Variants in RAB11FIP3 observed in about 807,000 individuals in gnomAD.
RAB11FIP3 encodes rab11 family-interacting protein 3.
A neutral mutation model predicts 77.8 loss-of-function variants in RAB11FIP3; 17 were observed. The ratio of observed to expected loss-of-function variants is 0.22; its 90% confidence interval spans 0.15 to 0.33. The LOEUF is 0.33. RAB11FIP3 is among the 10% of genes least tolerant of loss of function. RAB11FIP3 has a pLI of 1.00. For synonymous variants in RAB11FIP3, 437 were observed against 448.2 expected, an observed-to-expected ratio of 0.98 and a Z score of 0.31; for missense variants, 1,005 against 1,011.2, an observed-to-expected ratio of 0.99 and a Z score of 0.08.
chr16:428,241 T>A (rs935760395), intron 1 of RAB11FIP3, among the ~76,000 whole-genome samples: 1 of 152,100 alleles, frequency 6.6e-6, no homozygotes, highest in Non-Finnish European at 1.5e-5. Context: ...CCGGTTGGGA[T>A]ATTGTCAGGG....
At chr16:501,292 T>G (rs1402751572) in intron 6 of RAB11FIP3, among the ~76,000 whole-genome samples, 2 of 152,238 alleles carry the variant, frequency 1.3e-5, no homozygotes, top group African/African-American at 4.8e-5. Context: ...GACCCCCATT[T>G]CATAGGCAAG....
intron 1 of RAB11FIP3, among the ~76,000 whole-genome samples, chr16:438,972 C>A (rs1044419204): frequency 6.6e-6 from 1 of 152,220 alleles, no homozygotes; most frequent in Non-Finnish European, 1.5e-5. Flanking sequence ...TAGGCGTGAA[C>A]CGCCGCGCCC....
chr16:489,434 G>A (rs896281481), intron 5 of RAB11FIP3, among the ~76,000 whole-genome samples: 5 of 152,184 alleles, frequency 3.3e-5, no homozygotes, highest in Admixed American at 3.3e-4. Context: ...AGCACAACAC[G>A]CAGTGGGCGA....
chr16:445,922 G>A (rs1397887103), intron 1 of RAB11FIP3, among the ~76,000 whole-genome samples: 1 of 152,180 alleles, frequency 6.6e-6, no homozygotes, highest in African/African-American at 2.4e-5. Context: ...GTGTTCTCTG[G>A]ATGCAGTCCT....
chr16:506,404 G>A lies in RAB11FIP3; in HGVS notation c.1499+777G>A, dbSNP rs1358209756. Among the ~76,000 whole-genome samples, 1 of 152,168 alleles carries A rather than the reference G, an allele frequency of 6.6e-6. No homozygotes were observed. The highest frequency in any genetic ancestry group is 2.4e-5 in the African/African-American group (1 of 41,428). On this transcript the variant is annotated intron_variant, in intron 8 of 13. Transcript: ENST00000262305. This position sits in a 1 kb window ranked among gnomAD's most constrained non-coding sequence, Gnocchi z 4.5. Reference sequence around the variant, plus strand: ...CCAGGAGGCCTATGAGGCACCTGTGGGATCTGCAGAAGAGGTTCTTCCTGT... The same window carrying A: ...CCAGGAGGCCTATGAGGCACCTGTGAGATCTGCAGAAGAGGTTCTTCCTGT...
intron 1 of RAB11FIP3, among the ~76,000 whole-genome samples, chr16:436,865 C>T (rs780056379): frequency 2.6e-5 from 4 of 152,130 alleles, no homozygotes; most frequent in Non-Finnish European, 5.9e-5. Context: ...TGGGCGTAAC[C>T]ATCTTGCTAG....
Position 521,184 on chromosome 16 carries a change from C to T in RAB11FIP3, c.*345C>T. 5.7e-6 allele frequency: 2 copies of T among 350,436 alleles called. No homozygotes were observed. The highest frequency in any genetic ancestry group is 6.9e-5 in the South Asian group (2 of 28,870). 21.7% of individuals were successfully genotyped at this position (350,436 alleles called of 1,614,324 possible). Reference sequence around the variant, plus strand: ...GTACACTTCAGTTCAGCAGGATGGGCTGGAGAGCCTCTCTGTGCAGCGGTG... The same window carrying T: ...GTACACTTCAGTTCAGCAGGATGGGTTGGAGAGCCTCTCTGTGCAGCGGTG... On this transcript the variant is annotated 3_prime_UTR_variant, in exon 14 of 14. Transcript: ENST00000262305.
In RAB11FIP3 at chr16:521,142, A is replaced by C; in HGVS notation, c.*303A>C. ...GCCCAGAGCTTCCCAGCCCTGAGTC[A>C]AGCTGGCCATGAACGCGTACACTTC... On this transcript the variant is annotated 3_prime_UTR_variant, in exon 14 of 14. Transcript: ENST00000262305. 2.1e-6 allele frequency: 1 copy of C among 478,366 alleles called. No individual in the cohort carries two copies. Among genetic ancestry groups the C allele is most frequent in the Non-Finnish European group, 3.8e-6 (1 of 261,396 alleles). 29.6% of individuals were successfully genotyped at this position (478,366 alleles called of 1,614,324 possible).
At chr16:516,650 G>A (rs180841757) in intron 9 of RAB11FIP3, among the ~76,000 whole-genome samples, 1 of 152,026 alleles carries the variant, frequency 6.6e-6, no homozygotes, top group Non-Finnish European at 1.5e-5. Context: ...GCCGAGGCAG[G>A]TGGATCATCT....
At position 431,398 on chromosome 16, in the gene RAB11FIP3, G is replaced by T. The variant is rs1319832954; in HGVS notation, c.714+4678G>T. 5.5e-3 allele frequency among the ~76,000 whole-genome samples: 686 copies of T among 123,852 alleles called. 1 individual carries two copies. The highest frequency in any genetic ancestry group is 0.015 in the African/African-American group (510 of 33,052). The allele number at this position is 123,852 out of a possible 152,430, so 81.3% of individuals were successfully genotyped here. A position where few individuals can be genotyped will look rare whatever the true frequency, so the allele number is the denominator to read the frequency against. On this transcript the variant is annotated intron_variant, in intron 1 of 13. Coordinates refer to ENST00000262305, the MANE Select transcript of RAB11FIP3 (RefSeq NM_014700.4). Reference sequence around the variant, plus strand: ...CTTTTCAGACTTTTTTTTTTTTTTTGAAATAGAGTCTTGCTCTCTTGCCCA... The same window carrying T: ...CTTTTCAGACTTTTTTTTTTTTTTTTAAATAGAGTCTTGCTCTCTTGCCCA...
chr16:475,044 AG>A (rs779810857), intron 3 of RAB11FIP3: 39 of 1,551,548 alleles, frequency 2.5e-5, no homozygotes, highest in Non-Finnish European at 3.1e-5. Context: ...CCCTTCCTGA[AG>A]GTGTGTACAG....
chr16:440,971 C>T (rs1348759117), intron 1 of RAB11FIP3, among the ~76,000 whole-genome samples: 2 of 151,650 alleles, frequency 1.3e-5, no homozygotes, highest in Non-Finnish European at 2.9e-5. Context: ...GACGGAGTCT[C>T]GCTTTGTCGC....
intron 9 of RAB11FIP3, among the ~76,000 whole-genome samples, 161 bp from the exon 10 acceptor site, chr16:518,782 C>G (rs1265145340): frequency 6.6e-6 from 1 of 152,216 alleles, no homozygotes; most frequent in Non-Finnish European, 1.5e-5. Context: ...AAGCTGTGCC[C>G]TGGAGCACAT....
At chr16:508,485 T>C (rs1196612008) in intron 8 of RAB11FIP3, among the ~76,000 whole-genome samples, 2 of 152,262 alleles carry the variant, frequency 1.3e-5, no homozygotes, top group African/African-American at 4.8e-5. Context: ...GTGATTCTCC[T>C]GCCTCAGCCT....
intron 1 of RAB11FIP3, among the ~76,000 whole-genome samples, chr16:434,624 G>C (rs190500246): frequency 6.6e-6 from 1 of 151,436 alleles, no homozygotes; most frequent in African/African-American, 2.4e-5. Flanking sequence ...ACAGGGTTTT[G>C]CCATGTTGAT....
At chr16:517,648 G>A (rs937760034) in intron 9 of RAB11FIP3, among the ~76,000 whole-genome samples, 3 of 152,356 alleles carry the variant, frequency 2.0e-5, no homozygotes, top group South Asian at 4.1e-4. Context: ...TCTTCAGTTA[G>A]TGTGGTCTGC....
At chr16:478,136 G>A (rs1371236771) in intron 3 of RAB11FIP3, among the ~76,000 whole-genome samples, 1 of 152,100 alleles carries the variant, frequency 6.6e-6, no homozygotes, top group Non-Finnish European at 1.5e-5. Context: ...GCTCAGGTGG[G>A]TGCAGCCTGG....
intron 4 of RAB11FIP3, among the ~76,000 whole-genome samples, chr16:483,900 C>T (rs1426645744): frequency 8.5e-5 from 13 of 152,088 alleles, no homozygotes; most frequent in Non-Finnish European, 1.6e-4. Flanking sequence ...GAAGCCCGCC[C>T]GTCCCCCGCT....
chr16:451,980 C>G (rs1383647855), intron 1 of RAB11FIP3, among the ~76,000 whole-genome samples: 1 of 152,114 alleles, frequency 6.6e-6, no homozygotes, highest in Non-Finnish European at 1.5e-5. Flanking sequence ...GAAACCCCAT[C>G]TTTACTAAAA....
Sources: allele counts gnomAD v4.1 joint callset (sites outside exome capture counted in the v4.1 genomes callset), GRCh38; gene constraint gnomAD v4.1.1; non-coding constraint Gnocchi (gnomAD v3.1); transcripts MANE v1.5; gene names NCBI Gene and HGNC (gene_info 2026-07-23, HGNC 2026-07-21).